The following SNX24 variants were observed in gnomAD, a reference collection of about 807,000 sequenced individuals.
SNX24 encodes the protein sorting nexin 24, also known as sorting nexin-24.
A neutral mutation model predicts 28.7 loss-of-function variants in SNX24; 22 were observed. That is an observed-to-expected ratio of 0.77 (90% CI 0.55 to 1.10). The LOEUF (loss-of-function observed/expected upper bound fraction) is 1.10, where lower values mean the gene tolerates loss of function less well. Among genes scored for constraint, SNX24 ranks in the 50% least tolerant of loss-of-function variants. The pLI is 0.00. For missense variants in SNX24, 221 were observed against 201.1 expected, an observed-to-expected ratio of 1.10 and a Z score of -0.60; for synonymous variants, 69 against 71.5, an observed-to-expected ratio of 0.96 and a Z score of 0.18.
intron 2 of SNX24, among the ~76,000 whole-genome samples, chr5:122,944,919 G>A (rs1759618615): frequency 6.6e-6 from 1 of 152,014 alleles, no homozygotes; most frequent in South Asian, 2.1e-4. Flanking sequence ...TTTTTAATTA[G>A]CAATTAAGCA....
intron 3 of SNX24, chr5:122,965,510 A>T: frequency 2.2e-6 from 1 of 453,976 alleles, no homozygotes; most frequent in East Asian, 6.9e-5. Flanking sequence ...GAGAAAAGAT[A>T]ATTGTGTAAA....
chr5:122,877,997 C>T (rs997302334), intron 1 of SNX24, among the ~76,000 whole-genome samples: 1 of 152,094 alleles, frequency 6.6e-6, no homozygotes, highest in Non-Finnish European at 1.5e-5. Context: ...TCTGGCTTTT[C>T]CTGGACTGGC....
intron 1 of SNX24, chr5:122,891,025 A>G: frequency 1.3e-6 from 2 of 1,484,974 alleles, no homozygotes; most frequent in Non-Finnish European, 1.8e-6. Context: ...CTTACCTCTC[A>G]GGTGGTAATA....
At chr5:122,970,778 C>T (rs951917338) in intron 3 of SNX24, among the ~76,000 whole-genome samples, 1 of 152,146 alleles carries the variant, frequency 6.6e-6, no homozygotes, top group Non-Finnish European at 1.5e-5. Context: ...ATATTCTGCA[C>T]AAATCTTATG....
chr5:122,985,654 C>G (rs1163825582), intron 3 of SNX24, among the ~76,000 whole-genome samples: 1 of 152,242 alleles, frequency 6.6e-6, no homozygotes, highest in Non-Finnish European at 1.5e-5. Flanking sequence ...TAAGTTCTTG[C>G]TTCAGCATTC....
intron 3 of SNX24, among the ~76,000 whole-genome samples, chr5:122,950,735 G>A (rs1759902398): frequency 6.6e-6 from 1 of 152,148 alleles, no homozygotes; most frequent in Non-Finnish European, 1.5e-5. Context: ...ATCAAAGCCT[G>A]CTCCTGAAGA....
intron 1 of SNX24, among the ~76,000 whole-genome samples, chr5:122,894,102 G>T (rs1049293453): frequency 7.9e-5 from 12 of 151,588 alleles, no homozygotes; most frequent in African/African-American, 2.4e-4. Flanking sequence ...TTAGTATGCA[G>T]TTAGGCTCTT....
chr5:123,018,123 C>T (rs566095692), intron 5 of SNX24, among the ~76,000 whole-genome samples: 1 of 151,938 alleles, frequency 6.6e-6, no homozygotes, highest in African/African-American at 2.4e-5. Context: ...CCAAAAGAGC[C>T]CCACATTGAG....
chr5:123,011,180 C>T (rs1277372100), downstream of SNX24, among the ~76,000 whole-genome samples: 1 of 151,646 alleles, frequency 6.6e-6, no homozygotes, highest in African/African-American at 2.4e-5. Flanking sequence ...AAGTAAAGGA[C>T]AGAGAAAGGA....
intron 1 of SNX24, among the ~76,000 whole-genome samples, chr5:122,895,585 G>T (rs915897682): frequency 4.6e-4 from 70 of 152,262 alleles, no homozygotes; most frequent in Admixed American, 1.7e-3. Context: ...TAGGCTGGGG[G>T]CTGGAGGGTG....
intron 3 of SNX24, among the ~76,000 whole-genome samples, chr5:122,958,329 C>T (rs990047774): frequency 3.3e-5 from 5 of 152,056 alleles, no homozygotes; most frequent in African/African-American, 1.2e-4. Flanking sequence ...TCTCAGCTCA[C>T]TGCAACCTCC....
rs1581658294 is a variant in SNX24, at chr5:122,845,647, T to C, written c.14T>C (p.Ile5Thr). ...GCCGGCGCGGCCATGGAGGTCTACA[T>C]CCCGTCCTTTCGCTATGAAGAGAGC... MEVYIPSFRYEESDL... is the reference protein window; with the variant it reads MEVYTPSFRYEESDL... The change falls in exon 1 of 7, where the codon ATC becomes ACC. Residue 5 changes from isoleucine (I) to threonine (T), a missense_variant. Physicochemically the swap from Ile to Thr is moderately conservative, Grantham distance 89. Transcript: ENST00000261369. The C allele has an allele frequency of 7.0e-7, 1 of 1,432,562 alleles. No individual in the cohort carries two copies. Among genetic ancestry groups the C allele is most frequent in the Non-Finnish European group, 9.2e-7 (1 of 1,084,004 alleles). 88.7% of individuals were successfully genotyped at this position (1,432,562 alleles called of 1,614,324 possible).
chr5:122,959,850 A>C (rs145952982), intron 3 of SNX24, among the ~76,000 whole-genome samples: 43 of 152,284 alleles, frequency 2.8e-4, no homozygotes, highest in African/African-American at 9.6e-4. Flanking sequence ...TAGGCAAAAG[A>C]AAGAGAAAGG....
At chr5:123,017,732 A>T (rs1762704194) in intron 5 of SNX24, among the ~76,000 whole-genome samples, 1 of 151,864 alleles carries the variant, frequency 6.6e-6, no homozygotes, top group South Asian at 2.1e-4. Context: ...AGGAGATCTG[A>T]TGATTTTGTA....
intron 3 of SNX24, among the ~76,000 whole-genome samples, chr5:122,947,781 C>G (rs1043503920): frequency 2.6e-5 from 4 of 152,170 alleles, no homozygotes; most frequent in African/African-American, 9.7e-5. Context: ...ACAATGCATT[C>G]TTATTTGTAA....
At position 123,028,665 on chromosome 5, in the gene SNX24, C is replaced by A. The variant is rs981320366; in HGVS notation, n.384-573C>A. 4 of 832,618 alleles carry A rather than the reference C, an allele frequency of 4.8e-6. No individual in the cohort carries two copies. In the African/African-American group the frequency reaches 7.0e-5, roughly 15 times the overall value. 51.6% of individuals were successfully genotyped at this position (832,618 alleles called of 1,614,324 possible). On this transcript the variant is annotated intron_variant and non_coding_transcript_variant, in intron 5 of 5. Coordinates refer to the SNX24 transcript ENST00000502387. Reference sequence around the variant, plus strand: ...ATCCTTCTCAAAGAGGTACAGTCGTCTTTACAACTGTGTTCCTTAGCTCTG... The same window carrying A: ...ATCCTTCTCAAAGAGGTACAGTCGTATTTACAACTGTGTTCCTTAGCTCTG...
At chr5:122,921,764 C>T (rs1301777376) in intron 1 of SNX24, among the ~76,000 whole-genome samples, 1 of 151,556 alleles carries the variant, frequency 6.6e-6, no homozygotes, top group Middle Eastern at 3.2e-3. Flanking sequence ...ATAGAGACCA[C>T]ATATGTTATA....
intron 1 of SNX24, among the ~76,000 whole-genome samples, chr5:122,936,460 T>C (rs1398998877): frequency 6.6e-6 from 1 of 152,162 alleles, no homozygotes; most frequent in Admixed American, 6.5e-5. Flanking sequence ...AGAAATATTA[T>C]TTTATTAAAA....
chr5:122,944,816 G>A (rs955721411), intron 2 of SNX24, among the ~76,000 whole-genome samples: 1 of 152,108 alleles, frequency 6.6e-6, no homozygotes, highest in African/African-American at 2.4e-5. Context: ...TAGTTTAGCT[G>A]CCCAGGTTTA....
Sources: allele counts gnomAD v4.1 joint callset (sites outside exome capture counted in the v4.1 genomes callset), GRCh38; gene constraint gnomAD v4.1.1; transcripts MANE v1.5; gene names NCBI Gene and HGNC (gene_info 2026-07-23, HGNC 2026-07-21).